SOX30: variants seen among roughly 807,000 people sequenced by gnomAD.
SOX30 encodes SRY-box transcription factor 30.
SOX30 carries 17 observed loss-of-function variants against 58.6 expected under a neutral mutation model. The ratio of observed to expected loss-of-function variants is 0.29; its 90% CI spans 0.20 to 0.44. The LOEUF is 0.44. Among genes scored for constraint, SOX30 ranks in the 20% least tolerant of loss-of-function variants. The pLI, the probability that SOX30 is intolerant of heterozygous loss-of-function variation, is 1.00. For synonymous variants in SOX30, 421 were observed against 400.2 expected (o/e 1.05, Z -0.62); for missense variants, 951 against 965.8 (o/e 0.98, Z 0.20).
intron 4 of SOX30, among the ~76,000 whole-genome samples, chr5:157,634,610 A>G (rs919944222): frequency 9.9e-5 from 15 of 152,194 alleles, no homozygotes; most frequent in Non-Finnish European, 1.8e-4. Context: ...TACAATTCTA[A>G]CATTGAAATA....
At chr5:157,632,916 C>G (rs1489647138) in intron 4 of SOX30, among the ~76,000 whole-genome samples, 1 of 152,108 alleles carries the variant, frequency 6.6e-6, no homozygotes, top group African/African-American at 2.4e-5. Context: ...TGGCAAAACT[C>G]AGTCTCCACT....
At position 157,632,777 on chromosome 5, in the gene SOX30, T is replaced by C. The variant is rs528111308; in HGVS notation, c.1880+5453A>G. On this transcript the variant is annotated intron_variant, in intron 4 of 4. Coordinates refer to ENST00000265007, the MANE Select transcript of SOX30 (RefSeq NM_178424.2). ...CTGGATCAACGACAAAAATTTTATA[T>C]TCCTTTTATCAAGGTTAAGAAGTCC... Among the ~76,000 whole-genome samples, 8 of 152,288 alleles carry C rather than the reference T, an allele frequency of 5.3e-5. No homozygotes were observed. In the East Asian group the frequency reaches 1.5e-3, roughly 29 times the overall value.
chr5:157,643,346 G>A (rs979263359), intron 3 of SOX30, among the ~76,000 whole-genome samples: 2 of 152,252 alleles, frequency 1.3e-5, no homozygotes, highest in South Asian at 2.1e-4. Flanking sequence ...CTTGAACCCC[G>A]GAGGTGGAGG....
intron 3 of SOX30, among the ~76,000 whole-genome samples, chr5:157,645,499 A>G (rs1303828375): frequency 1.3e-5 from 2 of 151,172 alleles, no homozygotes; most frequent in Non-Finnish European, 3.0e-5. Flanking sequence ...CCCATCTCTA[A>G]AAAAATACAA....
At chr5:157,653,090 T>G (rs937265400), upstream of SOX30, among the ~76,000 whole-genome samples, 1 of 152,224 alleles carries the variant, frequency 6.6e-6, no homozygotes, top group Non-Finnish European at 1.5e-5. Flanking sequence ...TCTTTGGGTT[T>G]CAGCCACATT....
intron 1 of SOX30, among the ~76,000 whole-genome samples, chr5:157,669,486 TTTTATTTATTTA>T (rs35157596): frequency 0.044 from 6,000 of 136,700 alleles, 191 homozygotes; most frequent in East Asian, 0.1. Context: ...CGCCCATCAA[TTTTATTTATTTA>T]TTTATTTATT....
At chr5:157,664,925 G>A (rs7716118) in intron 2 of SOX30, among the ~76,000 whole-genome samples, 76,486 of 152,046 alleles carry the variant, frequency 0.5, 22,316 homozygotes, top group African/African-American at 0.82. Flanking sequence ...TTAGAATGGC[G>A]ATCATTAAAA....
At chr5:157,669,334 T>C (rs1461352724) in intron 1 of SOX30, among the ~76,000 whole-genome samples, 2 of 151,718 alleles carry the variant, frequency 1.3e-5, no homozygotes, top group Admixed American at 6.6e-5. Flanking sequence ...GCTGGGATTG[T>C]AGGCAGGCAC....
At chr5:157,666,486 C>G (rs1044391539) in intron 2 of SOX30, among the ~76,000 whole-genome samples, 24 of 99,170 alleles carry the variant, frequency 2.4e-4, no homozygotes, top group African/African-American at 1.8e-3. Context: ...TAGACACACA[C>G]ACACACACAC....
intron 2 of SOX30, among the ~76,000 whole-genome samples, chr5:157,647,086 G>C (rs949975420): frequency 2.7e-5 from 4 of 148,320 alleles, no homozygotes; most frequent in Non-Finnish European, 5.9e-5. Flanking sequence ...TTTTGAGACG[G>C]AGTCTTGCAC....
chr5:157,652,097 G>C lies in SOX30; in HGVS notation c.-19C>G, dbSNP rs1581402949. 7.2e-6 allele frequency: 10 copies of C among 1,395,028 alleles called. No individual in the cohort carries two copies. Among genetic ancestry groups the C allele is most frequent in the Non-Finnish European group, 9.2e-6 (10 of 1,082,206 alleles). 86.4% of individuals were successfully genotyped at this position (1,395,028 alleles called of 1,614,324 possible). A position where few individuals can be genotyped will look rare whatever the true frequency, so the allele number is the denominator to read the frequency against. ...TCTCCATGGGGGAGGGGGACGCCCC[G>C]GCCAGGATTGTGAGCTCAGCCGTTT... On this transcript the variant is annotated 5_prime_UTR_variant, in exon 1 of 5. Coordinates refer to ENST00000265007, the MANE Select transcript of SOX30 (RefSeq NM_178424.2).
At chr5:157,632,311 A>G (rs562672716) in intron 4 of SOX30, among the ~76,000 whole-genome samples, 14 of 152,186 alleles carry the variant, frequency 9.2e-5, no homozygotes, top group Non-Finnish European at 1.9e-4. Flanking sequence ...TACTTCACCG[A>G]ATACTCAAGA....
intron 1 of SOX30, among the ~76,000 whole-genome samples, chr5:157,670,425 A>C (rs139000884): frequency 2.0e-5 from 3 of 152,350 alleles, no homozygotes; most frequent in African/African-American, 7.2e-5. Context: ...ATTTAATGAG[A>C]TAATCCAGGT....
At chr5:157,628,133 A>G (rs1238098289) in intron 4 of SOX30, among the ~76,000 whole-genome samples, 2 of 152,164 alleles carry the variant, frequency 1.3e-5, no homozygotes, top group Non-Finnish European at 2.9e-5. Flanking sequence ...TGGGCAATAT[A>G]GTGAGACCCC....
intron 1 of SOX30, chr5:157,667,897 C>A: frequency 1.3e-6 from 2 of 1,525,078 alleles, no homozygotes; most frequent in East Asian, 2.4e-5. Flanking sequence ...GCACCTATGA[C>A]CTGCAAGGCA....
intron 1 of SOX30, chr5:157,667,979 A>T: frequency 1.9e-6 from 2 of 1,050,346 alleles, no homozygotes; most frequent in Admixed American, 2.4e-5. Context: ...CAGGCAAGAA[A>T]ACCAAGGCAC....
At position 157,664,534 on chromosome 5, in the gene SOX30, G is replaced by T. The variant is rs547656705; in HGVS notation, c.52+3264C>A. ...AGTACCATTCAGGACATAGGCGTGG[G>T]CAAGGACTTCATGTCTAAACACCAA... On this transcript the variant is annotated intron_variant, in intron 2 of 5. Coordinates refer to the SOX30 transcript ENST00000519442. 2.0e-5 allele frequency among the ~76,000 whole-genome samples: 3 copies of T among 152,310 alleles called. No individual in the cohort carries two copies. The East Asian group carries it at 5.8e-4, about 29-fold the overall frequency.
At chr5:157,668,174 A>T (rs536680682) in intron 1 of SOX30, among the ~76,000 whole-genome samples, 1 of 152,316 alleles carries the variant, frequency 6.6e-6, no homozygotes, top group Admixed American at 6.5e-5. Flanking sequence ...GCCTTCGTTT[A>T]TGGTCCCTGG....
rs763607355 is a variant in SOX30 at position 157,651,720 on chromosome 5, G to A, written c.359C>T (p.Thr120Ile). ...CACCGGGTGCAACTCGGGCCTGGAG[G>A]TGGCGCCGTCTGACGCTGTCGGCGG... ...LQPPTASDGA[T>I]SRPELHPVQP... Residue 120 changes from threonine (T) to isoleucine (I), a missense_variant, in exon 1 of 5, where the codon ACC (threonine) becomes ATC (isoleucine). Physicochemically the swap from Thr to Ile is moderately conservative, Grantham distance 89. This residue lies in a region of SOX30 where 363 missense variants were observed against 294.5 expected (regional missense o/e 1.23). Transcript: ENST00000265007. The A allele has an allele frequency of 2.2e-5, 34 of 1,575,908 alleles. No homozygotes were observed. The East Asian group carries it at 7.7e-4, about 36-fold the overall frequency.
Sources: allele counts gnomAD v4.1 joint callset (sites outside exome capture counted in the v4.1 genomes callset), GRCh38; gene constraint gnomAD v4.1.1; regional missense constraint gnomAD v4.1.1; transcripts MANE v1.5; gene names NCBI Gene and HGNC (gene_info 2026-07-23, HGNC 2026-07-21).